The following AUTS2 variants were observed in gnomAD, a reference collection of about 807,000 sequenced individuals.
The protein encoded by AUTS2 is activator of transcription and developmental regulator AUTS2, also known as autism susceptibility gene 2 protein.
AUTS2 carries 17 observed loss-of-function variants against 112.4 expected under a neutral mutation model. That is an observed-to-expected ratio of 0.15 (90% CI 0.10 to 0.23). The LOEUF (loss-of-function observed/expected upper bound fraction) is 0.23. Ranked by LOEUF, AUTS2 falls within the 10% of genes least tolerant of loss-of-function variation. The probability of loss-of-function intolerance (pLI) is 1.00; values close to 1 mark genes in which losing one functional copy is unlikely to be tolerated. For synonymous variants in AUTS2, 751 were observed against 702.7 expected (o/e 1.07, Z -1.09); for missense variants, 1,510 against 1,701.6 (o/e 0.89, Z 1.98).
At chr7:70,682,993 C>T (rs1808286483) in intron 5 of AUTS2, among the ~76,000 whole-genome samples, 1 of 152,196 alleles carries the variant, frequency 6.6e-6, no homozygotes, top group African/African-American at 2.4e-5. Flanking sequence ...TCTGAATCTC[C>T]AGCATATCAC....
intron 2 of AUTS2, among the ~76,000 whole-genome samples, chr7:69,968,985 A>G (rs1797739385): frequency 6.6e-6 from 1 of 152,148 alleles, no homozygotes; most frequent in Non-Finnish European, 1.5e-5. Context: ...ATTGTTAACT[A>G]TTAAAGCTAT....
chr7:69,770,749 A>G (rs1788626574), intron 1 of AUTS2, among the ~76,000 whole-genome samples: 2 of 152,140 alleles, frequency 1.3e-5, no homozygotes, highest in Non-Finnish European at 2.9e-5. Context: ...CCTCCAGGCC[A>G]GTAGCTTGTC....
intron 5 of AUTS2, among the ~76,000 whole-genome samples, chr7:70,577,360 C>G (rs575930849): frequency 1.3e-5 from 2 of 152,318 alleles, no homozygotes; most frequent in South Asian, 4.1e-4. Context: ...TGCATACCCA[C>G]ATGGTTTATT....
intron 2 of AUTS2, among the ~76,000 whole-genome samples, chr7:70,018,910 G>C (rs1800150022): frequency 6.6e-6 from 1 of 152,046 alleles, no homozygotes; most frequent in Admixed American, 6.5e-5. Context: ...TCCATTACTG[G>C]GTATATACCC....
intron 1 of AUTS2, among the ~76,000 whole-genome samples, chr7:69,700,324 T>A (rs1317909475): frequency 1.3e-5 from 2 of 151,654 alleles, no homozygotes; most frequent in East Asian, 3.9e-4. Flanking sequence ...ATTATTGCTA[T>A]TTTTTTTTAA....
chr7:70,055,301 G>A (rs1046930574), intron 2 of AUTS2, among the ~76,000 whole-genome samples: 31 of 152,164 alleles, frequency 2.0e-4, no homozygotes, highest in African/African-American at 7.0e-4. Context: ...GGACGTGGTG[G>A]CACATGCCTG....
chr7:70,735,716 G>A (rs1390842402), intron 6 of AUTS2, among the ~76,000 whole-genome samples: 1 of 152,138 alleles, frequency 6.6e-6, no homozygotes, highest in Non-Finnish European at 1.5e-5. Context: ...CCAGGAGTGA[G>A]AGAATACTGT....
At chr7:69,832,778 C>G (rs1791558073) in intron 1 of AUTS2, among the ~76,000 whole-genome samples, 1 of 152,156 alleles carries the variant, frequency 6.6e-6, no homozygotes. Context: ...GAAAAACCTA[C>G]AAGCATACTC....
At chr7:70,089,767 G>C (rs539752083) in intron 2 of AUTS2, among the ~76,000 whole-genome samples, 1 of 152,158 alleles carries the variant, frequency 6.6e-6, no homozygotes, top group South Asian at 2.1e-4. Flanking sequence ...CCAGCACTTT[G>C]GGAGGCCGAG....
At chr7:70,592,892 C>T (rs1463206616) in intron 5 of AUTS2, among the ~76,000 whole-genome samples, 2 of 152,122 alleles carry the variant, frequency 1.3e-5, no homozygotes, top group Non-Finnish European at 2.9e-5. Flanking sequence ...CTCTGTTGCC[C>T]AGGCTGCAGT....
intron 6 of AUTS2, among the ~76,000 whole-genome samples, chr7:70,743,286 G>A (rs896932168): frequency 1.3e-5 from 2 of 151,972 alleles, no homozygotes; most frequent in Non-Finnish European, 2.9e-5. Flanking sequence ...TGGCCAACAC[G>A]ATGAAACCCC....
intron 2 of AUTS2, among the ~76,000 whole-genome samples, chr7:70,063,565 T>A (rs908615003): frequency 6.6e-6 from 1 of 151,996 alleles, no homozygotes; most frequent in African/African-American, 2.4e-5. Flanking sequence ...ACTTCTGGAG[T>A]GTTTTGAATG....
At chr7:70,001,122 C>G (rs137950116) in intron 2 of AUTS2, among the ~76,000 whole-genome samples, 2 of 152,226 alleles carry the variant, frequency 1.3e-5, no homozygotes, top group African/African-American at 4.8e-5. Context: ...TTAGAAGTTG[C>G]TTTTCCTTTT....
At chr7:69,634,934 G>C (rs566982373) in intron 1 of AUTS2, among the ~76,000 whole-genome samples, 1 of 152,048 alleles carries the variant, frequency 6.6e-6, no homozygotes, top group Non-Finnish European at 1.5e-5. Flanking sequence ...ATGAGTGTGT[G>C]ATTTTTCAGG....
At chr7:70,488,249 G>A (rs1159327995) in intron 5 of AUTS2, among the ~76,000 whole-genome samples, 1 of 152,200 alleles carries the variant, frequency 6.6e-6, no homozygotes, top group Non-Finnish European at 1.5e-5. Flanking sequence ...GCACCAGTGT[G>A]GCTATGGACA....
At chr7:69,925,836 T>C (rs1795986503) in intron 2 of AUTS2, among the ~76,000 whole-genome samples, 1 of 152,174 alleles carries the variant, frequency 6.6e-6, no homozygotes, top group Admixed American at 6.5e-5. Context: ...TGGTTTCTTA[T>C]TTAACTCCAT....
chr7:70,629,343 G>A (rs1261357539), intron 5 of AUTS2, among the ~76,000 whole-genome samples: 1 of 152,114 alleles, frequency 6.6e-6, no homozygotes, highest in Non-Finnish European at 1.5e-5. Context: ...GTGGTGGCAG[G>A]CATCTGTAAT....
At chr7:70,160,660 G>A (rs1584808381) in intron 4 of AUTS2, among the ~76,000 whole-genome samples, 1 of 152,290 alleles carries the variant, frequency 6.6e-6, no homozygotes, top group South Asian at 2.1e-4. Flanking sequence ...TTCTACTCAT[G>A]GCTGTGAGTG....
At chr7:70,666,796 T>C (rs993637580) in intron 5 of AUTS2, among the ~76,000 whole-genome samples, 15 of 152,186 alleles carry the variant, frequency 9.9e-5, no homozygotes, top group African/African-American at 3.6e-4. Context: ...GTTTCTGCTA[T>C]AGTCTTTTTG....
Sources: allele counts gnomAD v4.1 joint callset (sites outside exome capture counted in the v4.1 genomes callset), GRCh38; gene constraint gnomAD v4.1.1; transcripts MANE v1.5; gene names NCBI Gene and HGNC (gene_info 2026-07-23, HGNC 2026-07-21).